NLRP7: variants seen among roughly 807,000 people sequenced by gnomAD.
NLRP7 encodes NLR family pyrin domain containing 7, also known as NACHT, LRR and PYD domains-containing protein 7.
In NLRP7, 72 loss-of-function variants were observed where a neutral mutation model predicts 85.5. The ratio of observed to expected loss-of-function variants is 0.84; its 90% CI spans 0.70 to 1.02. NLRP7 has a LOEUF of 1.02. Ranked by LOEUF, NLRP7 falls within the 50% of genes least tolerant of loss-of-function variation. The pLI, the probability that NLRP7 is intolerant of heterozygous loss-of-function variation, is 0.00. For missense variants in NLRP7, 1,243 were observed against 1,219.5 expected (o/e 1.02, Z -0.29); for synonymous variants, 550 against 505.2 (o/e 1.09, Z -1.19).
chr19:54,927,428 T>C (rs911226850), intron 9 of NLRP7, among the ~76,000 whole-genome samples, 177 bp downstream of exon 10: 9 of 151,166 alleles, frequency 6.0e-5, no homozygotes, highest in Non-Finnish European at 1.2e-4. Context: ...CATGTTGGCA[T>C]GCCTCTAGGC....
chr19:54,938,333 T>A, intron 4 of NLRP7, 92 bp from the exon 5 acceptor site: 1 of 1,014,110 alleles, frequency 9.9e-7, no homozygotes, highest in Non-Finnish European at 1.6e-6. Flanking sequence ...AAAACCACAA[T>A]TACTTTTGCA....
At chr19:54,929,971 C>T (rs1163703829) in intron 9 of NLRP7, among the ~76,000 whole-genome samples, 1 of 151,514 alleles carries the variant, frequency 6.6e-6, no homozygotes, top group African/African-American at 2.4e-5. Context: ...AAAAATTAGC[C>T]AGGCACGGTG....
chr19:54,934,421 G>A lies in NLRP7; in HGVS notation c.2471+68C>T, dbSNP rs562763155. 1 of 1,524,700 alleles carries A rather than the reference G, an allele frequency of 6.6e-7. No individual in the cohort carries two copies. The highest frequency in any genetic ancestry group is 1.4e-5 in the African/African-American group (1 of 73,086). The allele number at this position is 1,524,700 out of a possible 1,614,324, so 94.4% of individuals were successfully genotyped here. On this transcript the variant is annotated intron_variant, in intron 7 of 9. Transcript: ENST00000340844. The surrounding 1 kb of genome is among the most constrained non-coding windows in gnomAD (Gnocchi z 6.7). ...GCCACGTGGGTGGCGCAGTAAGTCA[G>A]GTGTTACCCTTTCTCTTCTATAGCC...
intron 9 of NLRP7, among the ~76,000 whole-genome samples, chr19:54,925,209 T>C (rs1023802448): frequency 6.6e-6 from 1 of 151,974 alleles, no homozygotes; most frequent in African/African-American, 2.4e-5. Flanking sequence ...GCCCCAAACA[T>C]ATGACATAAG....
intron 6 of NLRP7, 78 bp downstream of exon 6, chr19:54,936,183 A>G (rs2068915613): frequency 7.6e-7 from 1 of 1,321,142 alleles, no homozygotes; most frequent in Non-Finnish European, 1.1e-6. Context: ...TGGAGTGGTT[A>G]CCCTTTTTCC....
At chr19:54,946,162 C>G (rs1002616918) in intron 1 of NLRP7, among the ~76,000 whole-genome samples, 5 of 151,926 alleles carry the variant, frequency 3.3e-5, no homozygotes, top group Admixed American at 2.0e-4. Flanking sequence ...CCGCCTCGGC[C>G]TCCCAAAGTG....
intron 1 of NLRP7, among the ~76,000 whole-genome samples, chr19:54,964,069 C>T (rs1168855165): frequency 4.7e-5 from 7 of 149,790 alleles, no homozygotes; most frequent in East Asian, 2.0e-4. Flanking sequence ...TTAGTTGAGA[C>T]GGGGTTTCAT....
At chr19:54,962,747 C>G (rs1017024920) in intron 1 of NLRP7, among the ~76,000 whole-genome samples, 2 of 150,806 alleles carry the variant, frequency 1.3e-5, no homozygotes, top group Admixed American at 6.6e-5. Flanking sequence ...CTACAGGCGC[C>G]CGCCACCACG....
intron 1 of NLRP7, among the ~76,000 whole-genome samples, chr19:54,944,328 C>A (rs2069372202): frequency 6.6e-6 from 1 of 151,696 alleles, no homozygotes; most frequent in Non-Finnish European, 1.5e-5. Context: ...ATGCTGGCAG[C>A]AATACTGCTC....
chr19:54,955,755 TCAG>T (rs1238185489), intron 1 of NLRP7, among the ~76,000 whole-genome samples: 1 of 151,244 alleles, frequency 6.6e-6, no homozygotes, highest in South Asian at 2.1e-4. Flanking sequence ...CCACTGCACT[TCAG>T]CCTGGGCGAC....
exon 10 of NLRP7, chr19:54,923,706 T>G: frequency 3.1e-6 from 5 of 1,611,644 alleles, no homozygotes; most frequent in Non-Finnish European, 4.2e-6. Flanking sequence ...CGAATCCCGC[T>G]TCCTGTGTAA....
At chr19:54,952,422 G>A (rs944006830), upstream of NLRP7, among the ~76,000 whole-genome samples, 6 of 152,004 alleles carry the variant, frequency 3.9e-5, no homozygotes, top group East Asian at 2.0e-4. Context: ...GTGAAACCCC[G>A]TTTCTACTAA....
At chr19:54,942,659 G>A (rs1204564054) in intron 1 of NLRP7, among the ~76,000 whole-genome samples, 1 of 152,048 alleles carries the variant, frequency 6.6e-6, no homozygotes, top group Non-Finnish European at 1.5e-5. Context: ...GAGGTTGCAT[G>A]ATCTGAGATC....
In NLRP7 at chr19:54,933,560, G is replaced by A. The variant is rs773044650; in HGVS notation, c.2642+9C>T. ...TGTGCACACACACACACACCCAGCA[G>A]GGACTTACACCAAGGTCTGCAGTTT... On this transcript the variant is annotated intron_variant, in intron 8 of 9. Transcript: ENST00000340844. 1 of 1,614,070 alleles carries A rather than the reference G, an allele frequency of 6.2e-7. No individual in the cohort carries two copies. Among genetic ancestry groups the A allele is most frequent in the African/African-American group, 1.3e-5 (1 of 75,030 alleles).
intron 8 of NLRP7, among the ~76,000 whole-genome samples, chr19:54,932,918 A>G (rs1397584515): frequency 1.3e-5 from 2 of 151,952 alleles, no homozygotes; most frequent in Non-Finnish European, 2.9e-5. Context: ...CCTGTTCCCC[A>G]ATAACCTATG....
chr19:54,947,294 T>C (rs1469067704), intron 1 of NLRP7, among the ~76,000 whole-genome samples, 175 bp downstream of exon 1: 2 of 150,524 alleles, frequency 1.3e-5, no homozygotes, highest in Non-Finnish European at 3.0e-5. Context: ...GCCACTGCAC[T>C]CCAGCCTGGG....
chr19:54,940,374 C>T lies in NLRP7; in HGVS notation c.445G>A (p.Asp149Asn), dbSNP rs756978762. Residue 149 changes from aspartate (D) to asparagine (N), a missense_variant, in exon 4 of 10, where the codon GAC (aspartate) becomes AAC (asparagine). Around this residue, in one of 3 missense-constraint regions of NLRP7, gnomAD observed 591 missense variants for 563.3 expected, o/e 1.05. Coordinates refer to ENST00000340844, the Ensembl canonical transcript of NLRP7. ...AACCGTTGGTTTCTCAGAGTGACGT[C>T]GTCATGGAAATTGTCAATGTCTCCT... 1.1e-5 allele frequency: 17 copies of T among 1,614,036 alleles called. No individual in the cohort carries two copies. The Admixed American group carries it at 1.8e-4, about 17-fold the overall frequency.
In NLRP7 at chr19:54,936,441, A is replaced by C. The variant is rs748464678; in HGVS notation, c.2130-10T>G. 1 of 1,611,590 alleles carries C rather than the reference A, an allele frequency of 6.2e-7. No individual in the cohort carries two copies. Among genetic ancestry groups the C allele is most frequent in the Non-Finnish European group, 8.5e-7 (1 of 1,177,724 alleles). Reference sequence around the variant, plus strand: ...GGTGACGTTTTTAATCCTAGGGAAAAGCAGAAGAGATTCCACTTGGAGTGA... The same window carrying C: ...GGTGACGTTTTTAATCCTAGGGAAACGCAGAAGAGATTCCACTTGGAGTGA... On this transcript the variant is annotated splice_polypyrimidine_tract_variant and intron_variant, in intron 5 of 9. Transcript: ENST00000340844.
chr19:54,930,964 A>G (rs1299738530), intron 8 of NLRP7, among the ~76,000 whole-genome samples: 1 of 151,926 alleles, frequency 6.6e-6, no homozygotes, highest in Non-Finnish European at 1.5e-5. Flanking sequence ...CAGAGGCTGC[A>G]GTGAGCTGAG....
Sources: allele counts gnomAD v4.1 joint callset (sites outside exome capture counted in the v4.1 genomes callset), GRCh38; gene constraint gnomAD v4.1.1; regional missense constraint gnomAD v4.1.1; non-coding constraint Gnocchi (gnomAD v3.1); transcripts MANE v1.5; gene names NCBI Gene and HGNC (gene_info 2026-07-23, HGNC 2026-07-21).